Variants in CDH13 observed in about 807,000 individuals in gnomAD.
The protein encoded by CDH13 is cadherin-13.
In CDH13, 24 loss-of-function variants were observed where a neutral mutation model predicts 63.8. That is an observed-to-expected ratio of 0.38 (90% CI 0.27 to 0.53). CDH13 has a LOEUF of 0.53. Ranked by LOEUF, CDH13 falls within the 20% of genes least tolerant of loss-of-function variation. The pLI is 0.85. For missense variants in CDH13, 1,049 were observed against 903.1 expected (o/e 1.16, Z -2.07); for synonymous variants, 503 against 355.3 (o/e 1.42, Z -4.67).
chr16:83,004,691 C>T (rs555779492), intron 2 of CDH13, among the ~76,000 whole-genome samples: 1 of 152,092 alleles, frequency 6.6e-6, no homozygotes, highest in Non-Finnish European at 1.5e-5. Flanking sequence ...TAGAGTTTGT[C>T]TGTGTTAGTC....
intron 10 of CDH13, among the ~76,000 whole-genome samples, chr16:83,741,520 ATATG>A (rs1912066324): frequency 6.6e-6 from 1 of 151,614 alleles, no homozygotes; most frequent in African/African-American, 2.4e-5. Flanking sequence ...GTGTGTATAT[ATATG>A]TGTGTATATA....
At chr16:83,606,922 A>G (rs1340476404) in intron 8 of CDH13, among the ~76,000 whole-genome samples, 1 of 151,986 alleles carries the variant, frequency 6.6e-6, no homozygotes, top group Non-Finnish European at 1.5e-5. Flanking sequence ...AGAACAAAGG[A>G]GAACCGGCCA....
intron 6 of CDH13, among the ~76,000 whole-genome samples, chr16:83,430,911 C>T (rs891384403): frequency 6.6e-6 from 1 of 151,776 alleles, no homozygotes; most frequent in Non-Finnish European, 1.5e-5. Flanking sequence ...TGGTGTGCTG[C>T]ACCCACTAAC....
intron 3 of CDH13, among the ~76,000 whole-genome samples, chr16:83,058,687 A>G (rs1182493780): frequency 6.6e-6 from 1 of 152,182 alleles, no homozygotes; most frequent in African/African-American, 2.4e-5. Flanking sequence ...AGAACTAAAT[A>G]TTTAGGAAAG....
chr16:83,427,960 G>C (rs569579463), intron 6 of CDH13, among the ~76,000 whole-genome samples: 75 of 152,352 alleles, frequency 4.9e-4, no homozygotes, highest in African/African-American at 1.7e-3. Flanking sequence ...TGTGAATGGC[G>C]ACAGAAAAGC....
chr16:83,271,422 T>TAAAAAAA (rs56382330), intron 5 of CDH13, among the ~76,000 whole-genome samples: 293 of 26,028 alleles, frequency 0.011, 85 homozygotes, highest in South Asian at 0.023. Context: ...GCAGAGTTCA[T>TAAAAAAA]AAAAAAAAAA....
At chr16:82,676,527 C>A (rs947182034) in intron 1 of CDH13, among the ~76,000 whole-genome samples, 3 of 146,164 alleles carry the variant, frequency 2.1e-5, no homozygotes, top group Non-Finnish European at 3.0e-5. Flanking sequence ...ATCAATCTGG[C>A]CCCCCAGATG....
intron 1 of CDH13, among the ~76,000 whole-genome samples, chr16:82,725,559 T>C (rs1350490426): frequency 6.6e-6 from 1 of 152,198 alleles, no homozygotes; most frequent in Non-Finnish European, 1.5e-5. Context: ...TGCATAAAAC[T>C]ATAAGCCTCA....
chr16:82,925,913 T>A (rs989424227), intron 2 of CDH13: 1 of 152,160 alleles, frequency 6.6e-6, no homozygotes, highest in African/African-American at 2.4e-5. Context: ...CTCCTTTTGT[T>A]AGGTAATAAT....
intron 10 of CDH13, among the ~76,000 whole-genome samples, chr16:83,747,097 A>G (rs1912651286): frequency 6.6e-6 from 1 of 152,224 alleles, no homozygotes; most frequent in Non-Finnish European, 1.5e-5. Context: ...TTCAACAAAT[A>G]TTTAGTGTCG....
intron 2 of CDH13, among the ~76,000 whole-genome samples, chr16:82,876,834 G>A (rs979318798): frequency 3.3e-5 from 5 of 152,188 alleles, no homozygotes; most frequent in African/African-American, 9.7e-5. Flanking sequence ...CATCCATACA[G>A]TTACTGAGTT....
At chr16:83,000,223 ATTTTTTTTTTTTTTTTTTTTTTTTTTT>A (rs746904500) in intron 2 of CDH13, among the ~76,000 whole-genome samples, 3 of 36,986 alleles carry the variant, frequency 8.1e-5, no homozygotes, top group Non-Finnish European at 1.8e-4. Context: ...GGTTTAGCTT[ATTTTTTTTTTTTTTTTTTTTTTTTTTT>A]TTTTTTTTTT....
intron 7 of CDH13, among the ~76,000 whole-genome samples, chr16:83,591,579 T>C (rs8061320): frequency 0.67 from 102,128 of 152,004 alleles, 34,416 homozygotes; most frequent in East Asian, 0.84. Flanking sequence ...GTGGCCCTGT[T>C]GCAGCCTGAT....
chr16:83,270,066 T>G (rs535710368), intron 5 of CDH13, among the ~76,000 whole-genome samples: 39 of 152,352 alleles, frequency 2.6e-4, no homozygotes, highest in African/African-American at 8.9e-4. Context: ...TGGTTTCTCT[T>G]TGGAAATTAA....
At chr16:82,723,083 A>C (rs2032878695) in intron 1 of CDH13, 1 of 152,276 alleles carries the variant, frequency 6.6e-6, no homozygotes, top group Non-Finnish European at 1.5e-5. Flanking sequence ...TACTAAAGCC[A>C]CCAGCACAGA....
At position 83,500,937 on chromosome 16, in the gene CDH13, C is replaced by G. The variant is rs555536290; in HGVS notation, c.960+14282C>G. On this transcript the variant is annotated intron_variant, in intron 7 of 13. Transcript: ENST00000567109. ...TGTTGACCAAACAGAGGGAGTTGTG[C>G]CAGGAATCATGGCCTCCGTTAATGT... Among the ~76,000 whole-genome samples the G allele has an allele frequency of 1.4e-3, 206 of 152,136 alleles. 5 individuals carry two copies. The South Asian group carries it at 0.04, about 29-fold the overall frequency.
chr16:82,997,604 C>G (rs1190025738), intron 2 of CDH13, among the ~76,000 whole-genome samples: 1 of 152,154 alleles, frequency 6.6e-6, no homozygotes, highest in Non-Finnish European at 1.5e-5. Flanking sequence ...TTATTTTATA[C>G]TTGATGAAAC....
At chr16:82,795,437 G>A (rs937483812) in intron 1 of CDH13, among the ~76,000 whole-genome samples, 3 of 152,124 alleles carry the variant, frequency 2.0e-5, no homozygotes, top group South Asian at 2.1e-4. Context: ...GAGGGGTCGG[G>A]GAACCTCAAA....
chr16:83,491,556 C>T (rs1006329917), intron 7 of CDH13, among the ~76,000 whole-genome samples: 2 of 148,412 alleles, frequency 1.3e-5, no homozygotes, highest in Admixed American at 6.8e-5. Flanking sequence ...CTCAGAGTAA[C>T]TAATGGTCAG....
Sources: allele counts gnomAD v4.1 joint callset (sites outside exome capture counted in the v4.1 genomes callset), GRCh38; gene constraint gnomAD v4.1.1; transcripts MANE v1.5; gene names NCBI Gene and HGNC (gene_info 2026-07-23, HGNC 2026-07-21).